Variants in ASIP observed in about 807,000 individuals in gnomAD.
ASIP encodes agouti-signaling protein.
A neutral mutation model predicts 10.3 loss-of-function variants in ASIP; 11 were observed. The observed-to-expected ratio is 1.07, with a 90% confidence interval of 0.68 to 1.78. The LOEUF is 1.78. Among genes scored for constraint, ASIP ranks in the 40% most tolerant of loss-of-function variants. The probability of loss-of-function intolerance (pLI) is 0.00; values close to 1 mark genes in which losing one functional copy is unlikely to be tolerated. For synonymous variants in ASIP, 70 were observed against 70.8 expected, an observed-to-expected ratio of 0.99 and a Z score of 0.06; for missense variants, 180 against 169.2, an observed-to-expected ratio of 1.06 and a Z score of -0.35.
chr20:34,265,622 T>C (rs1351271657), intron 3 of ASIP, among the ~76,000 whole-genome samples: 1 of 151,998 alleles, frequency 6.6e-6, no homozygotes, highest in Non-Finnish European at 1.5e-5. Context: ...AGAAAACTAG[T>C]ATCACTTACC....
In ASIP at chr20:34,213,673, A is replaced by T. The variant is rs2122551806; in HGVS notation, c.-11+18913A>T. 1.9e-6 allele frequency: 3 copies of T among 1,550,702 alleles called. No individual in the cohort carries two copies. The Admixed American group carries it at 5.0e-5, about 26-fold the overall frequency. On this transcript the variant is annotated intron_variant, in intron 1 of 3. Coordinates refer to the ASIP transcript ENST00000568305. ...GAGGTCTTTTGCTTCACAATCTTTG[A>T]GTATATGTTCTGAAGCAGATGGGAT...
intron 1 of ASIP, among the ~76,000 whole-genome samples, chr20:34,208,404 G>A (rs1295200286): frequency 1.1e-4 from 17 of 152,110 alleles, no homozygotes; most frequent in Non-Finnish European, 1.5e-5. Context: ...ACCCAGGCTG[G>A]AGTGCAGTGG....
chr20:34,205,780 T>A (rs1465022606), intron 1 of ASIP, among the ~76,000 whole-genome samples: 1 of 146,040 alleles, frequency 6.8e-6, no homozygotes, highest in Non-Finnish European at 1.5e-5. Flanking sequence ...ATACTTTAGC[T>A]AGACAAAAAA....
At chr20:34,203,390 A>G (rs1274682212) in intron 1 of ASIP, among the ~76,000 whole-genome samples, 3 of 151,136 alleles carry the variant, frequency 2.0e-5, no homozygotes, top group Admixed American at 6.6e-5. Flanking sequence ...TGGCATATAT[A>G]TATGTATATT....
intron 1 of ASIP, among the ~76,000 whole-genome samples, chr20:34,249,759 C>G (rs2035443321): frequency 6.6e-6 from 1 of 152,104 alleles, no homozygotes; most frequent in African/African-American, 2.4e-5. Context: ...GTAGGGCATC[C>G]GTTATTCACA....
intron 1 of ASIP, among the ~76,000 whole-genome samples, chr20:34,249,728 T>G (rs1479483779): frequency 6.6e-6 from 1 of 152,200 alleles, no homozygotes; most frequent in Non-Finnish European, 1.5e-5. Context: ...CTCTCTTCCC[T>G]GCACTGAAAG....
intron 2 of ASIP, among the ~76,000 whole-genome samples, chr20:34,262,472 TC>T (rs1235054134): frequency 2.0e-5 from 3 of 152,128 alleles, no homozygotes; most frequent in Non-Finnish European, 4.4e-5. Flanking sequence ...ATCACAATGT[TC>T]CTGTGCCTGC....
intron 1 of ASIP, among the ~76,000 whole-genome samples, chr20:34,208,143 T>A (rs2034949607): frequency 6.6e-6 from 1 of 152,164 alleles, no homozygotes; most frequent in South Asian, 2.1e-4. Flanking sequence ...TCTATTCTGT[T>A]CCATTGGTCT....
rs111702882 is a variant in ASIP at position 34,218,463 on chromosome 20, G to C, written c.-11+23703G>C. On this transcript the variant is annotated intron_variant, in intron 1 of 3. Coordinates refer to the ASIP transcript ENST00000568305. Reference sequence around the variant, plus strand: ...TTTTATCCAGTCCCACTGAGGCAAAGTGGCATCACCCATTTATCATTTTTT... The same window carrying C: ...TTTTATCCAGTCCCACTGAGGCAAACTGGCATCACCCATTTATCATTTTTT... Among the ~76,000 whole-genome samples, 74 of 152,294 alleles carry C rather than the reference G, an allele frequency of 4.9e-4. 1 individual carries two copies. Among genetic ancestry groups the C allele is most frequent in the Middle Eastern group, 6.8e-3 (2 of 294 alleles).
intron 1 of ASIP, among the ~76,000 whole-genome samples, chr20:34,200,281 G>A (rs1164138381): frequency 6.6e-6 from 1 of 152,176 alleles, no homozygotes; most frequent in South Asian, 2.1e-4. Flanking sequence ...TCCTCAGGCT[G>A]TAAAGAGGTC....
intron 3 of ASIP, 64 bp from the exon 4 acceptor site, chr20:34,268,927 G>A: frequency 6.5e-7 from 1 of 1,543,796 alleles, no homozygotes. Context: ...GAGCTCCCAG[G>A]CAGAGGTGAG....
At chr20:34,203,246 T>C (rs1482678364) in intron 1 of ASIP, among the ~76,000 whole-genome samples, 1 of 152,142 alleles carries the variant, frequency 6.6e-6, no homozygotes. Flanking sequence ...AATTTTTTTA[T>C]CCATGAATAT....
intron 1 of ASIP, chr20:34,246,649 G>A (rs1388737773): frequency 3.7e-6 from 2 of 541,210 alleles, no homozygotes; most frequent in African/African-American, 1.9e-5. Context: ...GTAGAGATGG[G>A]GTTTCGCCAT....
chr20:34,198,291 T>C (rs906829741), intron 1 of ASIP, among the ~76,000 whole-genome samples: 26 of 152,020 alleles, frequency 1.7e-4, no homozygotes, highest in African/African-American at 6.0e-4. Context: ...GGTTTCACCA[T>C]GTTGGCCAGG....
At position 34,265,378 on chromosome 20, in the gene ASIP, A is replaced by G. The variant is rs564668771; in HGVS notation, c.222+2485A>G. 1.6e-4 allele frequency among the ~76,000 whole-genome samples: 25 copies of G among 152,190 alleles called. No homozygotes were observed. The South Asian group carries it at 5.0e-3, about 30-fold the overall frequency. On this transcript the variant is annotated intron_variant, in intron 3 of 3. Coordinates refer to ENST00000374954, the MANE Select transcript of ASIP (RefSeq NM_001672.3). ...TCTCTACAAAAAATTTAAAAAATTA[A>G]CTGGGTGTGGTGGTGTGCTCCTGTA...
At chr20:34,191,679 T>TC (rs1243208545), upstream of ASIP, among the ~76,000 whole-genome samples, 1 of 151,590 alleles carries the variant, frequency 6.6e-6, no homozygotes. Flanking sequence ...TTTATTTCCT[T>TC]CCCTCCCTTC....
intron 1 of ASIP, chr20:34,214,790 G>A: frequency 3.3e-6 from 5 of 1,510,756 alleles, no homozygotes; most frequent in Non-Finnish European, 3.7e-6. Flanking sequence ...ACTGTAAGCT[G>A]TTTCAAAATA....
At chr20:34,214,166 A>T in intron 1 of ASIP, 1 of 1,209,654 alleles carries the variant, frequency 8.3e-7, no homozygotes, top group Non-Finnish European at 1.2e-6. Context: ...TTCTATTCAA[A>T]ATATCCTCAA....
At chr20:34,242,352 G>C (rs1236700026) in intron 1 of ASIP, among the ~76,000 whole-genome samples, 1 of 151,882 alleles carries the variant, frequency 6.6e-6, no homozygotes, top group East Asian at 1.9e-4. Context: ...CCCACCTCAG[G>C]CTCCTGAGTA....
Sources: allele counts gnomAD v4.1 joint callset (sites outside exome capture counted in the v4.1 genomes callset), GRCh38; gene constraint gnomAD v4.1.1; transcripts MANE v1.5; gene names NCBI Gene and HGNC (gene_info 2026-07-23, HGNC 2026-07-21).